The following HACD2 variants were observed in gnomAD, a reference collection of about 807,000 sequenced individuals.
HACD2 encodes the protein very-long-chain (3R)-3-hydroxyacyl-CoA dehydratase 2.
Under a neutral mutation model 31.0 loss-of-function variants are expected in HACD2, and 15 were observed. That is an observed-to-expected ratio of 0.48 (90% CI 0.32 to 0.75). HACD2 has a LOEUF of 0.75. HACD2 is among the 30% of genes least tolerant of loss of function. The pLI is 0.03. For missense variants in HACD2, 283 were observed against 313.0 expected, an observed-to-expected ratio of 0.90 and a Z score of 0.72; for synonymous variants, 115 against 122.2, an observed-to-expected ratio of 0.94 and a Z score of 0.39.
chr3:123,570,949 C>CACAT (rs1210857607), intron 2 of HACD2, among the ~76,000 whole-genome samples: 2 of 151,374 alleles, frequency 1.3e-5, no homozygotes, highest in African/African-American at 4.9e-5. Context: ...CACACATACA[C>CACAT]ACACACACAG....
chr3:123,496,636 A>T (rs2055836691), intron 6 of HACD2, among the ~76,000 whole-genome samples: 1 of 152,250 alleles, frequency 6.6e-6, no homozygotes, highest in African/African-American at 2.4e-5. Context: ...AAAGCCAGAA[A>T]ATCTGACAAG....
intron 5 of HACD2, 24 bp downstream of exon 5, chr3:123,502,536 G>A: frequency 1.2e-6 from 2 of 1,606,534 alleles, no homozygotes; most frequent in Non-Finnish European, 1.7e-6. Flanking sequence ...TCAAAAGTGA[G>A]CCTTTTGAAA....
chr3:123,506,948 G>C (rs1414514644), intron 4 of HACD2, among the ~76,000 whole-genome samples: 1 of 152,066 alleles, frequency 6.6e-6, no homozygotes, highest in Admixed American at 6.6e-5. Flanking sequence ...ATAAACATAT[G>C]ATTTTATTAA....
rs35001570 is a variant in HACD2, at chr3:123,532,833, CAAAAAAAA to C, written c.293-4367_293-4360del. Reference sequence around the variant, plus strand: ...AGGGTGACAGAGTGAGACTCCGTCTCAAAAAAAAAAAAAAAAAAAAAAAAAAGACTGTC... The same window carrying C: ...AGGGTGACAGAGTGAGACTCCGTCTCAAAAAAAAAAAAAAAAAAGACTGTC... On this transcript the variant is annotated intron_variant, in intron 3 of 6. Coordinates refer to ENST00000383657, the MANE Select transcript of HACD2 (RefSeq NM_198402.5). 3.4e-4 allele frequency among the ~76,000 whole-genome samples: 24 copies of C among 71,388 alleles called. 1 individual carries two copies. The East Asian group carries it at 0.013, about 37-fold the overall frequency. The allele number at this position is 71,388 out of a possible 152,430, so 46.8% of individuals were successfully genotyped here.
intron 3 of HACD2, among the ~76,000 whole-genome samples, chr3:123,556,680 C>G (rs1295733142): frequency 6.6e-6 from 1 of 151,928 alleles, no homozygotes; most frequent in African/African-American, 2.4e-5. Flanking sequence ...AAGACAAGCC[C>G]CAGAGCAAGA....
chr3:123,510,945 GTTTTTTTTTGT>G (rs1559902873), intron 4 of HACD2, among the ~76,000 whole-genome samples: 5 of 115,008 alleles, frequency 4.3e-5, no homozygotes, highest in African/African-American at 1.7e-4. Context: ...TTTTTTTTTT[GTTTTTTTTTGT>G]TTTTTTTTTT....
At chr3:123,550,903 T>A (rs1432621829) in intron 3 of HACD2, among the ~76,000 whole-genome samples, 2 of 152,040 alleles carry the variant, frequency 1.3e-5, no homozygotes, top group Admixed American at 6.5e-5. Flanking sequence ...ATTTGCAGGA[T>A]GCAGGGAGAA....
chr3:123,520,410 T>C (rs1399853330), intron 4 of HACD2, among the ~76,000 whole-genome samples: 1 of 152,242 alleles, frequency 6.6e-6, no homozygotes, highest in Non-Finnish European at 1.5e-5. Flanking sequence ...CACTGTCTAA[T>C]AGTGCAACTT....
At chr3:123,535,667 ATGG>A (rs1412427028) in intron 3 of HACD2, among the ~76,000 whole-genome samples, 1 of 152,192 alleles carries the variant, frequency 6.6e-6, no homozygotes, top group East Asian at 1.9e-4. Flanking sequence ...CTGAACAGCA[ATGG>A]TGAAGTGGGG....
At chr3:123,502,009 G>A (rs967771118) in intron 5 of HACD2, among the ~76,000 whole-genome samples, 2 of 152,152 alleles carry the variant, frequency 1.3e-5, no homozygotes, top group African/African-American at 4.8e-5. Flanking sequence ...GACTCATTAA[G>A]GTAAGCAGAT....
In HACD2 at chr3:123,493,200, A is replaced by C. The variant is rs1185167055; in HGVS notation, c.*1688T>G. On this transcript the variant is annotated 3_prime_UTR_variant, in exon 7 of 7. Transcript: ENST00000383657. ...AAACCCCGTCTCTACTAAAAATACA[A>C]AAAAAATTAGCTGGGTGTGGTGGCA... The C allele has an allele frequency of 7.9e-5, 12 of 152,208 alleles. No individual in the cohort carries two copies. Among genetic ancestry groups the C allele is most frequent in the South Asian group, 4.1e-4 (2 of 4,830 alleles). The allele number at this position is 152,208 out of a possible 1,614,324, so 9.4% of individuals were successfully genotyped here.
In HACD2 at chr3:123,524,376, G is replaced by C. The variant is rs9821315; in HGVS notation, c.381+4010C>G. On this transcript the variant is annotated intron_variant, in intron 4 of 6. Transcript: ENST00000383657. The stretch of plus-strand genomic sequence containing the variant: ...TGCATACATCCTAGTTTGAGAAAGA[G>C]TCTTAGAACTTTTAAGGAGAGAGGC... Among the ~76,000 whole-genome samples, 812 of 152,286 alleles carry C rather than the reference G, an allele frequency of 5.3e-3. 2 individuals carry two copies. The highest frequency in any genetic ancestry group is 0.019 in the African/African-American group (794 of 41,554).
chr3:123,560,794 C>A (rs1200645633), intron 3 of HACD2, among the ~76,000 whole-genome samples: 1 of 152,028 alleles, frequency 6.6e-6, no homozygotes, highest in Non-Finnish European at 1.5e-5. Context: ...CTCTTTCTTA[C>A]AATTTGGTAA....
chr3:123,531,527 A>T (rs1356681962), intron 3 of HACD2, among the ~76,000 whole-genome samples: 2 of 152,008 alleles, frequency 1.3e-5, no homozygotes, highest in South Asian at 2.1e-4. Context: ...AGGTCATCTG[A>T]AACTGACCTC....
intron 5 of HACD2, among the ~76,000 whole-genome samples, chr3:123,501,218 A>G (rs9867681): frequency 0.035 from 5,392 of 152,336 alleles, 103 homozygotes; most frequent in Middle Eastern, 0.088. Context: ...TCAAATATAT[A>G]CAATTAAAAA....
intron 2 of HACD2, among the ~76,000 whole-genome samples, chr3:123,575,886 C>T (rs2056902885): frequency 6.6e-6 from 1 of 152,150 alleles, no homozygotes; most frequent in African/African-American, 2.4e-5. Context: ...CTCTCACTAA[C>T]CATAGTGAGG....
intron 3 of HACD2, among the ~76,000 whole-genome samples, chr3:123,540,633 G>T (rs9850684): frequency 0.034 from 5,223 of 152,188 alleles, 90 homozygotes; most frequent in Middle Eastern, 0.088. Context: ...ATTCCAATAG[G>T]AAATTCCCAC....
intron 3 of HACD2, among the ~76,000 whole-genome samples, chr3:123,533,127 G>A (rs2056385831): frequency 6.6e-6 from 1 of 152,166 alleles, no homozygotes; most frequent in Admixed American, 6.5e-5. Context: ...GTAGAATGTG[G>A]AATATAGATA....
At chr3:123,551,221 T>A (rs1260334337) in intron 3 of HACD2, among the ~76,000 whole-genome samples, 1 of 152,184 alleles carries the variant, frequency 6.6e-6, no homozygotes, top group Non-Finnish European at 1.5e-5. Context: ...CCTCTGTGCT[T>A]CATGTTTACC....
Sources: gnomAD v4.1 joint callset for allele counts (sites outside exome capture counted in the v4.1 genomes callset) on GRCh38, gnomAD v4.1.1 for gene constraint, MANE v1.5 for transcripts, NCBI Gene and HGNC (gene_info 2026-07-23, HGNC 2026-07-21) for gene names.